Variants in ZNF469 observed in about 807,000 individuals in gnomAD.
The protein encoded by ZNF469 is zinc finger protein 469.
A neutral mutation model predicts 1.0 loss-of-function variants in ZNF469; 1 was observed. The ratio of observed to expected loss-of-function variants is 1.00; its 90% CI spans 0.35 to 4.73. The LOEUF is 4.73. Ranked by LOEUF, ZNF469 falls within the 30% of genes most tolerant of loss-of-function variation. ZNF469 has a pLI of 0.16. For synonymous variants in ZNF469, 2,703 were observed against 2,363.4 expected, an observed-to-expected ratio of 1.14 and a Z score of -4.17; for missense variants, 6,100 against 5,356.3, an observed-to-expected ratio of 1.14 and a Z score of -4.33.
At chr16:88,357,788 C>T in the ZNF469 span, among the ~76,000 whole-genome samples, 16 of 152,380 alleles carry the variant, frequency 1.1e-4, no homozygotes, top group African/African-American at 2.4e-4. Context: ...GTGCAGCATG[C>T]GCTCACTGCC....
the ZNF469 span, among the ~76,000 whole-genome samples, chr16:88,336,339 AACACC>A: frequency 6.6e-6 from 1 of 151,792 alleles, no homozygotes; most frequent in African/African-American, 2.4e-5. Context: ...CTAACATGCC[AACACC>A]ACACATGTTC....
At chr16:88,177,024 G>C in the ZNF469 span, among the ~76,000 whole-genome samples, 2,159 of 152,336 alleles carry the variant, frequency 0.014, 44 homozygotes, top group African/African-American at 0.049. This position sits in a 1 kb window ranked among gnomAD's most constrained non-coding sequence, Gnocchi z 4.8. Flanking sequence ...TAGAAACCTC[G>C]AGGCAAAGGA....
the ZNF469 span, among the ~76,000 whole-genome samples, chr16:88,153,023 T>C: frequency 3.3e-5 from 5 of 152,130 alleles, no homozygotes; most frequent in African/African-American, 7.2e-5. Flanking sequence ...TGTGGTGACG[T>C]TCTGCACTGT....
At chr16:88,289,652 G>A in the ZNF469 span, among the ~76,000 whole-genome samples, 1 of 152,200 alleles carries the variant, frequency 6.6e-6, no homozygotes, top group Admixed American at 6.5e-5. Context: ...TCACTTGTGA[G>A]TGGTGGAGCT....
At chr16:88,333,287 G>A in the ZNF469 span, among the ~76,000 whole-genome samples, 11 of 151,708 alleles carry the variant, frequency 7.3e-5, no homozygotes, top group East Asian at 2.0e-4. Flanking sequence ...GCTGAGTCAC[G>A]GAAGAGGGGC....
the ZNF469 span, among the ~76,000 whole-genome samples, chr16:88,329,659 C>T: frequency 3.3e-5 from 5 of 152,264 alleles, no homozygotes; most frequent in South Asian, 2.1e-4. Flanking sequence ...AAGTTGGTCA[C>T]ACTGACAGGG....
At chr16:88,247,821 A>G in the ZNF469 span, among the ~76,000 whole-genome samples, 11 of 148,868 alleles carry the variant, frequency 7.4e-5, no homozygotes, top group African/African-American at 2.6e-4. Context: ...GAGTGAGTGA[A>G]TGAGTGAGTG....
At chr16:88,158,698 C>T in the ZNF469 span, among the ~76,000 whole-genome samples, 1 of 152,328 alleles carries the variant, frequency 6.6e-6, no homozygotes, top group African/African-American at 2.4e-5. Flanking sequence ...TGCTGGGGAG[C>T]TCTGCTACTC....
chr16:88,199,258 G>A, the ZNF469 span, among the ~76,000 whole-genome samples: 851 of 152,334 alleles, frequency 5.6e-3, 8 homozygotes, highest in African/African-American at 0.02. Context: ...CCTGGCACCC[G>A]ACAACCCCAG....
the ZNF469 span, among the ~76,000 whole-genome samples, chr16:88,172,372 T>A: frequency 6.6e-6 from 1 of 152,204 alleles, no homozygotes; most frequent in Non-Finnish European, 1.5e-5. Context: ...CTATATAATA[T>A]GAAAATCCTC....
Position 88,435,898 on chromosome 16 carries a change from G to T in ZNF469, c.8428G>T (p.Ala2810Ser), listed in dbSNP as rs1172890077. The T allele has an allele frequency of 6.5e-7, 1 of 1,550,078 alleles. No individual in the cohort carries two copies. The highest frequency in any genetic ancestry group is 8.7e-7 in the Non-Finnish European group (1 of 1,146,976). The change falls in exon 3 of 3, where the codon GCG becomes TCG. Residue 2810 changes from alanine (A) to serine (S), a missense_variant. Ala to Ser is a moderately conservative substitution (Grantham distance 99). Transcript: ENST00000565624. ...TTTTCCCGAGACTTCCAGCTCTCCGGCGGACAGCACCACCAGCAGCTGCCT... is the reference window on the plus strand; with the variant it reads ...TTTTCCCGAGACTTCCAGCTCTCCGTCGGACAGCACCACCAGCAGCTGCCT... Reference protein sequence around the residue: ...LGFPETSSSPADSTTSSCLQG... With the variant: ...LGFPETSSSPSDSTTSSCLQG...
At chr16:88,161,378 G>T in the ZNF469 span, among the ~76,000 whole-genome samples, 1 of 152,186 alleles carries the variant, frequency 6.6e-6, no homozygotes, top group Non-Finnish European at 1.5e-5. Flanking sequence ...ACTGCCTGCA[G>T]GTGTGTGCTC....
At chr16:88,305,261 C>T in the ZNF469 span, among the ~76,000 whole-genome samples, 3 of 150,566 alleles carry the variant, frequency 2.0e-5, no homozygotes, top group Non-Finnish European at 4.5e-5. Flanking sequence ...CACGCATGCA[C>T]ACCCTCACAC....
intron 1 of ZNF469, among the ~76,000 whole-genome samples, chr16:88,415,593 C>T (rs943495770): frequency 6.6e-6 from 1 of 152,236 alleles, no homozygotes; most frequent in Non-Finnish European, 1.5e-5. Context: ...ACAGCTGGCA[C>T]TCCAGGTGGC....
the ZNF469 span, among the ~76,000 whole-genome samples, chr16:88,196,306 C>T: frequency 6.6e-6 from 1 of 152,192 alleles, no homozygotes; most frequent in Non-Finnish European, 1.5e-5. Context: ...TGGCCTGGGT[C>T]AGGTCAGGTG....
At chr16:88,229,545 G>A in the ZNF469 span, among the ~76,000 whole-genome samples, 1 of 117,282 alleles carries the variant, frequency 8.5e-6, no homozygotes, top group East Asian at 2.9e-4. Context: ...TCACGCGTGT[G>A]GATGTCACAC....
the ZNF469 span, among the ~76,000 whole-genome samples, chr16:88,245,398 G>A: frequency 4.6e-5 from 7 of 152,372 alleles, no homozygotes; most frequent in South Asian, 2.1e-4. Context: ...GAGAGGATGC[G>A]TAGGCTCTTG....
In ZNF469 at chr16:88,438,197, A is replaced by G. The variant is rs1193382248; in HGVS notation, c.10727A>G (p.Glu3576Gly). 1.3e-6 allele frequency: 2 copies of G among 1,547,240 alleles called. No individual in the cohort carries two copies. The highest frequency in any genetic ancestry group is 1.7e-6 in the Non-Finnish European group (2 of 1,144,728). ...GACTGCGCGCTGGACGGAGCCCTGG[A>G]GAGGCCAGAGAACGAGGCTTCCCCA... is the stretch of plus-strand genomic sequence containing the variant. ...RGDCALDGAL[E>G]RPENEASPGS... Residue 3576 changes from glutamate to glycine, a missense_variant, in exon 3 of 3, where the codon GAG becomes GGG. Glu to Gly is a moderately conservative substitution (Grantham distance 98). Transcript: ENST00000565624.
Position 88,429,349 on chromosome 16 carries a change from G to A in ZNF469, c.1879G>A (p.Gly627Ser), listed in dbSNP as rs1272358231. 29 of 1,549,766 alleles carry A rather than the reference G, an allele frequency of 1.9e-5. No homozygotes were observed. Among genetic ancestry groups the A allele is most frequent in the Admixed American group, 7.8e-5 (4 of 50,992 alleles). ...CAGCTCAGAGGAAAGCCAGCTCCCC[G>A]GCCCCCTCGGGCCCTCGGCCTTCTT... is the stretch of plus-strand genomic sequence containing the variant. ...NPSSEESQLP[G>S]PLGPSAFFHP... Residue 627 changes from glycine to serine, a missense_variant, in exon 3 of 3, where the codon GGC becomes AGC. Coordinates refer to ENST00000565624, the MANE Select transcript of ZNF469 (RefSeq NM_001367624.2).
Sources: gnomAD v4.1 joint callset for allele counts (sites outside exome capture counted in the v4.1 genomes callset) on GRCh38, gnomAD v4.1.1 for gene constraint, Gnocchi (gnomAD v3.1) non-coding constraint, MANE v1.5 for transcripts, NCBI Gene and HGNC (gene_info 2026-07-23, HGNC 2026-07-21) for gene names.